The following RALGPS2 variants were observed in gnomAD, a reference collection of about 807,000 sequenced individuals.
RALGPS2 encodes the protein Ral GEF with PH domain and SH3 binding motif 2.
A neutral mutation model predicts 86.8 loss-of-function variants in RALGPS2; 43 were observed. That is an observed-to-expected ratio of 0.50 (90% confidence interval 0.39 to 0.64). The LOEUF (loss-of-function observed/expected upper bound fraction) is 0.64, where lower values mean the gene tolerates loss of function less well. Among genes scored for constraint, RALGPS2 ranks in the 30% least tolerant of loss-of-function variants. RALGPS2 has a pLI of 0.00. For missense variants in RALGPS2, 536 were observed against 694.6 expected (o/e 0.77, Z 2.57); for synonymous variants, 243 against 231.3 (o/e 1.05, Z -0.46).
intron 6 of RALGPS2, among the ~76,000 whole-genome samples, chr1:178,817,296 G>A (rs1239147078): frequency 7.4e-6 from 1 of 135,884 alleles, no homozygotes; most frequent in East Asian, 2.2e-4. Context: ...GGTGAGCTAA[G>A]ATCACGCCAC....
At chr1:178,836,624 C>T (rs929771512) in intron 8 of RALGPS2, among the ~76,000 whole-genome samples, 1 of 152,136 alleles carries the variant, frequency 6.6e-6, no homozygotes, top group Non-Finnish European at 1.5e-5. Flanking sequence ...GGGTTGGTGT[C>T]AATTATTTCT....
In RALGPS2 at chr1:178,837,107, A is replaced by G. The variant is rs1157041542; in HGVS notation, c.607+3557A>G. Among the ~76,000 whole-genome samples the G allele has an allele frequency of 2.0e-5, 3 of 152,114 alleles. No homozygotes were observed. In the East Asian group the frequency reaches 5.8e-4, roughly 29 times the overall value. On this transcript the variant is annotated intron_variant, in intron 8 of 19. Transcript: ENST00000367635. ...GTCCACTTCTTTTCTTACTCTATAT[A>G]ATCGGAGTGGTCTCATTCAGGTTTT...
chr1:178,877,451 C>T (rs759685541), intron 8 of RALGPS2, 47 bp from the exon 9 acceptor site: 14 of 1,606,196 alleles, frequency 8.7e-6, no homozygotes, highest in Non-Finnish European at 1.2e-5. Flanking sequence ...GTCATAGTCT[C>T]CCAACCTACA....
intron 1 of RALGPS2, among the ~76,000 whole-genome samples, chr1:178,755,897 A>G (rs1345561085): frequency 1.3e-5 from 2 of 152,064 alleles, no homozygotes; most frequent in Admixed American, 6.6e-5. Context: ...GTGTGAGATG[A>G]TATCTGATTG....
chr1:178,726,554 AC>A (rs1290675533), intron 1 of RALGPS2, among the ~76,000 whole-genome samples: 1 of 151,586 alleles, frequency 6.6e-6, no homozygotes, highest in South Asian at 2.1e-4. Flanking sequence ...AAAAAAAAAA[AC>A]CCCAAAAGAA....
rs941242090 is a variant in RALGPS2, at chr1:178,918,391, A to T, written c.*2032A>T. The T allele has an allele frequency of 6.6e-6, 1 of 152,066 alleles. No individual in the cohort carries two copies. Among genetic ancestry groups the T allele is most frequent in the East Asian group, 1.9e-4 (1 of 5,186 alleles). The allele number at this position is 152,066 out of a possible 1,614,324, so 9.4% of individuals were successfully genotyped here. A position where few individuals can be genotyped will look rare whatever the true frequency, so the allele number is the denominator to read the frequency against. On this transcript the variant is annotated 3_prime_UTR_variant, in exon 20 of 20. Coordinates refer to ENST00000367635, the MANE Select transcript of RALGPS2 (RefSeq NM_152663.5). Reference sequence around the variant, plus strand: ...AGTATTGTGAATGAGAACCCTGTGGATTTTTTTTATTTCATTTGTTTGTCA... The same window carrying T: ...AGTATTGTGAATGAGAACCCTGTGGTTTTTTTTTATTTCATTTGTTTGTCA...
chr1:178,897,981 A>T (rs1222038098), intron 17 of RALGPS2, among the ~76,000 whole-genome samples: 1 of 151,970 alleles, frequency 6.6e-6, no homozygotes, highest in East Asian at 1.9e-4. Context: ...AGCTTTCTCA[A>T]ATCTGGAGTT....
chr1:178,865,570 C>T (rs1048053248), intron 8 of RALGPS2: 9 of 1,614,068 alleles, frequency 5.6e-6, no homozygotes, highest in Non-Finnish European at 7.6e-6. Flanking sequence ...CATCTTGCCC[C>T]TTGGTGTTGA....
chr1:178,809,694 C>T (rs1029244707), intron 5 of RALGPS2, among the ~76,000 whole-genome samples: 9 of 151,732 alleles, frequency 5.9e-5, no homozygotes, highest in African/African-American at 2.4e-5. Context: ...TTGGGGAGCA[C>T]GTACACTTAC....
At chr1:178,828,078 C>A (rs372409039) in intron 7 of RALGPS2, among the ~76,000 whole-genome samples, 161 of 152,114 alleles carry the variant, frequency 1.1e-3, no homozygotes, top group African/African-American at 3.6e-3. Flanking sequence ...GGCTATGACC[C>A]CAAAAGTACA....
intron 8 of RALGPS2, among the ~76,000 whole-genome samples, chr1:178,870,368 A>G (rs1309210062): frequency 2.6e-5 from 4 of 152,160 alleles, no homozygotes; most frequent in Non-Finnish European, 4.4e-5. Context: ...GTTCACGACT[A>G]TTTAGTTTGT....
At chr1:178,728,315 T>C (rs563687817) in intron 1 of RALGPS2, among the ~76,000 whole-genome samples, 53 of 151,940 alleles carry the variant, frequency 3.5e-4, no homozygotes, top group Middle Eastern at 3.4e-3. Context: ...TTTTAAACCA[T>C]AAACCAAACT....
intron 14 of RALGPS2, among the ~76,000 whole-genome samples, chr1:178,891,033 G>A (rs1352858892): frequency 6.6e-6 from 1 of 151,916 alleles, no homozygotes; most frequent in Admixed American, 6.6e-5. Context: ...TAACCAAATT[G>A]TTTTTTAGAT....
intron 1 of RALGPS2, among the ~76,000 whole-genome samples, chr1:178,736,076 A>G (rs768222200): frequency 9.9e-5 from 15 of 151,604 alleles, no homozygotes; most frequent in Admixed American, 2.0e-4. Flanking sequence ...TTGTTTCTCT[A>G]TGCCCTTAAT....
At chr1:178,784,204 C>A (rs936254166) in intron 2 of RALGPS2, among the ~76,000 whole-genome samples, 1 of 152,090 alleles carries the variant, frequency 6.6e-6, no homozygotes, top group African/African-American at 2.4e-5. Context: ...ATGACTCATT[C>A]AAGAACCTAA....
chr1:178,767,901 G>A (rs535145100), intron 1 of RALGPS2, among the ~76,000 whole-genome samples: 15 of 152,264 alleles, frequency 9.9e-5, no homozygotes, highest in African/African-American at 2.9e-4. Flanking sequence ...CTAGGATAAC[G>A]GGAGGCCATG....
At chr1:178,877,724 C>A (rs1659061892) in intron 9 of RALGPS2, 89 bp downstream of exon 9, 1 of 1,434,750 alleles carries the variant, frequency 7.0e-7, no homozygotes, top group African/African-American at 1.4e-5. Flanking sequence ...TTTCACACAG[C>A]AGGGGACATC....
intron 4 of RALGPS2, among the ~76,000 whole-genome samples, chr1:178,805,791 CTAAG>C (rs977793327): frequency 2.0e-5 from 3 of 152,110 alleles, no homozygotes; most frequent in African/African-American, 4.8e-5. Context: ...ACAATTTTGA[CTAAG>C]TAACTATATT....
At chr1:178,815,971 C>A (rs1314815265) in intron 6 of RALGPS2, among the ~76,000 whole-genome samples, 1 of 152,148 alleles carries the variant, frequency 6.6e-6, no homozygotes, top group African/African-American at 2.4e-5. Context: ...TCCACAATTT[C>A]TTCATCATTT....
Sources: allele counts gnomAD v4.1 joint callset (sites outside exome capture counted in the v4.1 genomes callset), GRCh38; gene constraint gnomAD v4.1.1; transcripts MANE v1.5; gene names NCBI Gene and HGNC (gene_info 2026-07-23, HGNC 2026-07-21).